CTNNA2: variants seen among roughly 807,000 people sequenced by gnomAD.
CTNNA2 encodes the protein catenin alpha-2.
CTNNA2 carries 42 observed loss-of-function variants against 101.0 expected under a neutral mutation model. The ratio of observed to expected loss-of-function variants is 0.42; its 90% CI spans 0.32 to 0.54. CTNNA2 has a LOEUF of 0.54. Ranked by LOEUF, CTNNA2 falls within the 20% of genes least tolerant of loss-of-function variation. CTNNA2 has a pLI of 0.14. For synonymous variants in CTNNA2, 450 were observed against 456.4 expected (o/e 0.99, Z 0.18); for missense variants, 871 against 1,223.1 (o/e 0.71, Z 4.29).
chr2:80,026,509 T>C (rs1694937242), intron 7 of CTNNA2, among the ~76,000 whole-genome samples: 1 of 152,136 alleles, frequency 6.6e-6, no homozygotes, highest in African/African-American at 2.4e-5. Context: ...AGAGTCTTGG[T>C]GAACAGAGAG....
intron 2 of CTNNA2, among the ~76,000 whole-genome samples, chr2:79,721,225 C>A (rs1360014996): frequency 2.6e-5 from 4 of 152,014 alleles, no homozygotes; most frequent in African/African-American, 9.7e-5. Flanking sequence ...GTATCACAGA[C>A]TGGGTAATTT....
chr2:80,281,892 T>C (rs1446913402), intron 7 of CTNNA2, among the ~76,000 whole-genome samples: 1 of 152,094 alleles, frequency 6.6e-6, no homozygotes, highest in African/African-American at 2.4e-5. Context: ...AACATTTGAA[T>C]GGAATAAAAA....
rs143784085 is a variant in CTNNA2 at position 80,286,908 on chromosome 2, C to T, written c.1057-106303C>T. Among the ~76,000 whole-genome samples, 1,080 of 152,270 alleles carry T rather than the reference C, an allele frequency of 7.1e-3. 5 individuals are homozygous for T. The highest frequency in any genetic ancestry group is 0.01 in the Non-Finnish European group (695 of 68,022). On this transcript the variant is annotated intron_variant, in intron 7 of 18. Transcript: ENST00000402739. ...CTATGTTTTCTTCTTTGTGATTCAT[C>T]TTCAGTCCCTAGAAACTAACTGAAT...
At chr2:79,520,111 G>T (rs1179397859) in intron 1 of CTNNA2, among the ~76,000 whole-genome samples, 1 of 152,092 alleles carries the variant, frequency 6.6e-6, no homozygotes, top group Non-Finnish European at 1.5e-5. Flanking sequence ...AATTATTTTA[G>T]TAAAATTTTG....
intron 3 of CTNNA2, among the ~76,000 whole-genome samples, chr2:79,846,319 T>C (rs1023700022): frequency 2.0e-5 from 3 of 152,234 alleles, no homozygotes; most frequent in African/African-American, 7.2e-5. Context: ...TGTGTAGCAA[T>C]TTCAAGCCTG....
intron 11 of CTNNA2, 148 bp downstream of exon 11, chr2:80,546,211 A>G (rs1692045638): frequency 1.1e-6 from 1 of 950,548 alleles, no homozygotes; most frequent in Non-Finnish European, 1.5e-6. Flanking sequence ...AAATGTGATT[A>G]TAACACCCTC....
intron 7 of CTNNA2, among the ~76,000 whole-genome samples, chr2:80,242,750 A>G (rs1302477801): frequency 6.6e-6 from 1 of 152,050 alleles, no homozygotes; most frequent in African/African-American, 2.4e-5. Flanking sequence ...GGGCAGCTGA[A>G]CAGCAGTCTG....
intron 7 of CTNNA2, among the ~76,000 whole-genome samples, chr2:80,343,682 C>T (rs1317843470): frequency 1.3e-5 from 2 of 152,096 alleles, no homozygotes; most frequent in African/African-American, 4.8e-5. Flanking sequence ...GACTGGAACC[C>T]ATTTCTGATC....
intron 7 of CTNNA2, among the ~76,000 whole-genome samples, chr2:80,026,975 C>T (rs1438803094): frequency 6.6e-6 from 1 of 152,154 alleles, no homozygotes; most frequent in Non-Finnish European, 1.5e-5. Context: ...TCAGCATTTA[C>T]ATTGTGCTGT....
chr2:80,235,195 T>G (rs2149082042), intron 7 of CTNNA2, among the ~76,000 whole-genome samples: 1 of 152,326 alleles, frequency 6.6e-6, no homozygotes, highest in East Asian at 1.9e-4. Flanking sequence ...TATGCATATA[T>G]GAAAGTAAGT....
chr2:79,293,016 C>T (rs1401923992), intron 2 of CTNNA2: 6 of 152,284 alleles, frequency 3.9e-5, no homozygotes, highest in African/African-American at 1.4e-4. Context: ...CCTGCTTTAT[C>T]TCTTTGTCAC....
intron 3 of CTNNA2, among the ~76,000 whole-genome samples, chr2:79,361,825 T>C (rs1677636889): frequency 6.6e-6 from 1 of 152,148 alleles, no homozygotes; most frequent in African/African-American, 2.4e-5. Flanking sequence ...TAGGCCAGTC[T>C]AGAGTGTTCT....
intron 1 of CTNNA2, among the ~76,000 whole-genome samples, chr2:79,614,367 T>G (rs908080941): frequency 6.6e-6 from 1 of 152,144 alleles, no homozygotes; most frequent in Admixed American, 6.6e-5. Context: ...TTCTGACATA[T>G]TATCAAAAGT....
chr2:80,245,895 C>T (rs529433494), intron 7 of CTNNA2, among the ~76,000 whole-genome samples: 28 of 145,506 alleles, frequency 1.9e-4, no homozygotes, highest in South Asian at 4.5e-4. Context: ...TCCGGATTCA[C>T]GCCATTCTCC....
At chr2:80,568,219 C>T (rs145704341) in intron 12 of CTNNA2, among the ~76,000 whole-genome samples, 12 of 152,244 alleles carry the variant, frequency 7.9e-5, no homozygotes, top group African/African-American at 1.9e-4. Context: ...TTAAATGACT[C>T]GTGATACTTT....
chr2:79,401,771 T>G (rs1351723162), intron 4 of CTNNA2, among the ~76,000 whole-genome samples: 1 of 151,458 alleles, frequency 6.6e-6, no homozygotes, highest in Admixed American at 6.6e-5. Flanking sequence ...CATAATTAAG[T>G]TAAAAGTAAA....
chr2:80,582,959 T>C (rs1427619955), intron 14 of CTNNA2, among the ~76,000 whole-genome samples: 3 of 152,124 alleles, frequency 2.0e-5, no homozygotes, highest in Admixed American at 6.6e-5. Flanking sequence ...TGCCCTGATA[T>C]TCTCACTCAA....
intron 7 of CTNNA2, among the ~76,000 whole-genome samples, chr2:80,023,712 G>T (rs1002018466): frequency 2.6e-5 from 4 of 152,160 alleles, no homozygotes; most frequent in Admixed American, 2.0e-4. Flanking sequence ...CCTTAGAAAT[G>T]TGTATTGATC....
At chr2:80,565,893 T>C (rs1694015507) in intron 12 of CTNNA2, among the ~76,000 whole-genome samples, 1 of 152,210 alleles carries the variant, frequency 6.6e-6, no homozygotes, top group South Asian at 2.1e-4. Flanking sequence ...ATTTCTGTTT[T>C]ATACTGAGTA....
Sources: gnomAD v4.1 joint callset for allele counts (sites outside exome capture counted in the v4.1 genomes callset) on GRCh38, gnomAD v4.1.1 for gene constraint, MANE v1.5 for transcripts, NCBI Gene and HGNC (gene_info 2026-07-23, HGNC 2026-07-21) for gene names.